Variants in COPG2 observed in about 807,000 individuals in gnomAD.
The protein encoded by COPG2 is coat protein complex I subunit gamma 2, also known as coatomer subunit gamma-2.
COPG2 carries 37 observed loss-of-function variants against 46.3 expected under a neutral mutation model. The ratio of observed to expected loss-of-function variants is 0.80; its 90% confidence interval spans 0.61 to 1.05. The LOEUF (loss-of-function observed/expected upper bound fraction) is 1.05. Ranked by LOEUF, COPG2 falls within the 50% of genes least tolerant of loss-of-function variation. The pLI is 0.00. For synonymous variants in COPG2, 159 were observed against 129.7 expected (o/e 1.23, Z -1.53); for missense variants, 427 against 387.8 (o/e 1.10, Z -0.85).
At position 130,668,511 on chromosome 7, in the gene COPG2, T is replaced by TGGAG. The variant is rs1563076419; in HGVS notation, c.37+120_37+121insCTCC. The TGGAG allele has an allele frequency of 1.8e-5, 15 of 829,522 alleles. No individual in the cohort carries two copies. In the South Asian group the frequency reaches 4.2e-4, roughly 23 times the overall value. 51.4% of individuals were successfully genotyped at this position (829,522 alleles called of 1,614,324 possible). A position where few individuals can be genotyped will look rare whatever the true frequency, so the allele number is the denominator to read the frequency against. On this transcript the variant is annotated intron_variant, in intron 1 of 23. Transcript: ENST00000425248. The stretch of plus-strand genomic sequence containing the variant: ...GGGGAGGGGAGGGGCCGGCTCCAGC[T>TGGAG]CCGGCCCCCTGGCACGGCGGCGCCC...
rs368919720 is a variant in COPG2 at position 130,663,078 on chromosome 7, G to C, written c.172-40C>G. On this transcript the variant is annotated intron_variant, in intron 3 of 23. Coordinates refer to ENST00000425248, the MANE Select transcript of COPG2 (RefSeq NM_012133.6). ...AAACAATTTTTAAATTTTAAAAAGT[G>C]TATATTCATATATATGTACATATAC... 3.6e-4 allele frequency: 431 copies of C among 1,182,368 alleles called. 2 individuals carry two copies. The highest frequency in any genetic ancestry group is 1.6e-3 in the Middle Eastern group (7 of 4,368). The allele number at this position is 1,182,368 out of a possible 1,614,324, so 73.2% of individuals were successfully genotyped here. A position where few individuals can be genotyped will look rare whatever the true frequency, so the allele number is the denominator to read the frequency against.
intron 9 of COPG2, among the ~76,000 whole-genome samples, chr7:130,590,428 G>A (rs551851461): frequency 6.6e-6 from 1 of 152,218 alleles, no homozygotes; most frequent in Non-Finnish European, 1.5e-5. Flanking sequence ...ACTGGTTTTC[G>A]TATTTTTTTG....
Position 130,567,271 on chromosome 7 carries a change from A to T in COPG2, c.738-2878T>A, listed in dbSNP as rs994444915. ...GTGTAGGGTGGGAGAGGATGAGGAT[A>T]AAAAAACTACCAACTGGGTGGTACC... On this transcript the variant is annotated intron_variant, in intron 9 of 23. Transcript: ENST00000425248. Among the ~76,000 whole-genome samples the T allele has an allele frequency of 3.1e-3, 476 of 152,270 alleles. 3 individuals carry two copies. Among genetic ancestry groups the T allele is most frequent in the African/African-American group, 0.011 (453 of 41,568 alleles).
intron 9 of COPG2, among the ~76,000 whole-genome samples, chr7:130,577,846 T>G (rs1470444203): frequency 6.8e-6 from 1 of 147,498 alleles, no homozygotes; most frequent in Non-Finnish European, 1.5e-5. Context: ...CGGAGGGTCC[T>G]ACGCCCACGG....
intron 20 of COPG2, among the ~76,000 whole-genome samples, chr7:130,526,936 G>C: frequency 7.1e-6 from 1 of 140,810 alleles, no homozygotes; most frequent in East Asian, 2.2e-4. Flanking sequence ...GGATATGGGT[G>C]GGGGTGGGAA....
chr7:130,668,669 C>T lies in COPG2; in HGVS notation c.-1G>A, dbSNP rs1353264245. Reference sequence around the variant, plus strand: ...CCTTCTTGTCGAATTTTTTAATCATCTTGGACGACTTCCCAGCGCCCAGAC... The same window carrying T: ...CCTTCTTGTCGAATTTTTTAATCATTTTGGACGACTTCCCAGCGCCCAGAC... On this transcript the variant is annotated 5_prime_UTR_variant, in exon 1 of 24. Coordinates refer to ENST00000425248, the MANE Select transcript of COPG2 (RefSeq NM_012133.6). The T allele has an allele frequency of 1.3e-6, 2 of 1,540,506 alleles. No homozygotes were observed. The highest frequency in any genetic ancestry group is 1.7e-4 in the Middle Eastern group (1 of 5,930).
At position 130,645,161 on chromosome 7, in the gene COPG2, T is replaced by C. The variant is rs1404787080; in HGVS notation, c.323+7708A>G. The C allele has an allele frequency of 5.4e-6, 3 of 552,446 alleles. No homozygotes were observed. In the African/African-American group the frequency reaches 5.9e-5, roughly 11 times the overall value. The allele number at this position is 552,446 out of a possible 1,614,324, so 34.2% of individuals were successfully genotyped here. On this transcript the variant is annotated intron_variant, in intron 5 of 23. Coordinates refer to ENST00000425248, the MANE Select transcript of COPG2 (RefSeq NM_012133.6). Reference sequence around the variant, plus strand: ...AAAATTAGTGTTCACAGTAAGAAAATATGGTCCTCATGCTTCCACGTATTC... The same window carrying C: ...AAAATTAGTGTTCACAGTAAGAAAACATGGTCCTCATGCTTCCACGTATTC...
chr7:130,601,320 C>T (rs1442261228), intron 9 of COPG2, among the ~76,000 whole-genome samples: 1 of 152,156 alleles, frequency 6.6e-6, no homozygotes, highest in Non-Finnish European at 1.5e-5. Flanking sequence ...TGGGTATATA[C>T]CCAAAGGATT....
At chr7:130,648,381 C>T (rs1347742117) in intron 5 of COPG2, among the ~76,000 whole-genome samples, 2 of 152,172 alleles carry the variant, frequency 1.3e-5, no homozygotes, top group East Asian at 3.9e-4. Context: ...CATTCACCCC[C>T]TTCCAAGATC....
At chr7:130,658,531 G>C (rs1236108288) in intron 4 of COPG2, among the ~76,000 whole-genome samples, 5 of 151,848 alleles carry the variant, frequency 3.3e-5, no homozygotes, top group Admixed American at 2.6e-4. Context: ...GAATTTTACC[G>C]CATGTAAAAC....
chr7:130,656,986 C>T (rs1185290100), intron 4 of COPG2, among the ~76,000 whole-genome samples: 3 of 149,514 alleles, frequency 2.0e-5, no homozygotes, highest in African/African-American at 4.9e-5. Flanking sequence ...TAGATATCTA[C>T]ATATTTCTAT....
intron 12 of COPG2, 98 bp downstream of exon 12, chr7:130,560,935 T>C (rs1228361644): frequency 5.0e-6 from 2 of 397,298 alleles, no homozygotes; most frequent in African/African-American, 4.1e-5. Flanking sequence ...TTAGACTTCA[T>C]AAAAATTTAA....
At chr7:130,659,353 T>TAAAAAAAAAAAAAA (rs1795924305) in intron 4 of COPG2, among the ~76,000 whole-genome samples, 1 of 7,024 alleles carries the variant, frequency 1.4e-4, no homozygotes, top group Admixed American at 1.0e-3. Flanking sequence ...AGACTCCGTC[T>TAAAAAAAAAAAAAA]CAAAAAAAAA....
chr7:130,610,139 G>C (rs1554451822), intron 9 of COPG2: 1 of 517,268 alleles, frequency 1.9e-6, no homozygotes, highest in Non-Finnish European at 3.9e-6. Flanking sequence ...TTGTTTGCTA[G>C]ACACTGCTTA....
chr7:130,565,732 G>A (rs1458431017), intron 9 of COPG2, among the ~76,000 whole-genome samples: 3 of 151,936 alleles, frequency 2.0e-5, no homozygotes, highest in African/African-American at 7.3e-5. Context: ...CCAATAAAGT[G>A]ACAGAAATGA....
chr7:130,627,794 G>A (rs1795144825), intron 5 of COPG2, among the ~76,000 whole-genome samples: 1 of 137,320 alleles, frequency 7.3e-6, no homozygotes, highest in African/African-American at 2.6e-5. Context: ...GGTTCGGGGG[G>A]CGGGGTGCGG....
intron 20 of COPG2, among the ~76,000 whole-genome samples, chr7:130,518,445 T>G (rs1425890442): frequency 1.3e-5 from 2 of 152,020 alleles, no homozygotes; most frequent in Non-Finnish European, 2.9e-5. Context: ...GGCAAGTGGT[T>G]TATTTGGTGA....
At chr7:130,596,442 G>C (rs1012678374) in intron 9 of COPG2, among the ~76,000 whole-genome samples, 16 of 152,200 alleles carry the variant, frequency 1.1e-4, no homozygotes, top group African/African-American at 3.6e-4. Flanking sequence ...CTACTACGAA[G>C]TTTTACTTGG....
chr7:130,655,962 C>G (rs1239617316), intron 4 of COPG2, among the ~76,000 whole-genome samples: 1 of 152,062 alleles, frequency 6.6e-6, no homozygotes, highest in Non-Finnish European at 1.5e-5. Flanking sequence ...CCAACACTAT[C>G]CCATTGTAAA....
Sources: allele counts gnomAD v4.1 joint callset (sites outside exome capture counted in the v4.1 genomes callset), GRCh38; gene constraint gnomAD v4.1.1; transcripts MANE v1.5; gene names NCBI Gene and HGNC (gene_info 2026-07-23, HGNC 2026-07-21).